MSRA: variants seen among roughly 807,000 people sequenced by gnomAD.
The protein encoded by MSRA is methionine sulfoxide reductase A.
A neutral mutation model predicts 31.3 loss-of-function variants in MSRA; 54 were observed. That is an observed-to-expected ratio of 1.73 (90% CI 1.39 to 2.17). The LOEUF (loss-of-function observed/expected upper bound fraction) is 2.17, where lower values mean the gene tolerates loss of function less well. Among genes scored for constraint, MSRA ranks in the 30% most tolerant of loss-of-function variants. The pLI, the probability that MSRA is intolerant of heterozygous loss-of-function variation, is 0.00. For missense variants in MSRA, 507 were observed against 300.9 expected (o/e 1.69, Z -5.07); for synonymous variants, 169 against 116.5 (o/e 1.45, Z -2.90).
chr8:10,371,090 G>T (rs867175870), intron 5 of MSRA, among the ~76,000 whole-genome samples: 1 of 152,164 alleles, frequency 6.6e-6, no homozygotes, highest in African/African-American at 2.4e-5. Flanking sequence ...CACCCCTGCC[G>T]CAATCCCGAT....
At chr8:10,392,801 C>T (rs1265060309) in intron 5 of MSRA, among the ~76,000 whole-genome samples, 14 of 145,868 alleles carry the variant, frequency 9.6e-5, no homozygotes. Context: ...AATCCCAGCA[C>T]TTTGGGAGGC....
intron 3 of MSRA, among the ~76,000 whole-genome samples, chr8:10,253,230 T>C (rs1798009763): frequency 6.6e-6 from 1 of 152,198 alleles, no homozygotes; most frequent in African/African-American, 2.4e-5. Flanking sequence ...GGGTCTGTTC[T>C]TTGTCATTGA....
At chr8:10,393,557 A>G (rs975329685) in intron 5 of MSRA, among the ~76,000 whole-genome samples, 1 of 152,188 alleles carries the variant, frequency 6.6e-6, no homozygotes, top group African/African-American at 2.4e-5. Context: ...CAGGTATTGC[A>G]GCTGGACGGC....
chr8:10,242,931 C>T (rs1430392426), intron 2 of MSRA, among the ~76,000 whole-genome samples: 1 of 152,168 alleles, frequency 6.6e-6, no homozygotes, highest in Non-Finnish European at 1.5e-5. Context: ...CACCCCAGAC[C>T]CTTGCCCACC....
chr8:10,275,670 T>C (rs552115657), intron 3 of MSRA, among the ~76,000 whole-genome samples: 3 of 152,262 alleles, frequency 2.0e-5, no homozygotes, highest in Non-Finnish European at 2.9e-5. Flanking sequence ...CATCTCCCAA[T>C]GGATTAGGAA....
chr8:10,182,054 A>G (rs776385448), intron 1 of MSRA, among the ~76,000 whole-genome samples: 22 of 152,126 alleles, frequency 1.4e-4, no homozygotes, highest in Non-Finnish European at 1.5e-4. Flanking sequence ...CCCCATCTAC[A>G]GCTCCTATCT....
intron 4 of MSRA, among the ~76,000 whole-genome samples, chr8:10,303,197 T>C (rs1268463028): frequency 6.6e-6 from 1 of 152,252 alleles, no homozygotes; most frequent in East Asian, 1.9e-4. Context: ...TGTCCTTTAA[T>C]GTGGCCAACT....
At chr8:10,260,716 C>T (rs750110016) in intron 3 of MSRA, among the ~76,000 whole-genome samples, 1 of 151,958 alleles carries the variant, frequency 6.6e-6, no homozygotes, top group Non-Finnish European at 1.5e-5. Context: ...AAAAAGCAAA[C>T]GAGATTAATA....
At chr8:10,283,009 G>C (rs887234678) in intron 3 of MSRA, among the ~76,000 whole-genome samples, 1 of 152,038 alleles carries the variant, frequency 6.6e-6, no homozygotes, top group East Asian at 1.9e-4. Context: ...GAAGATTAAA[G>C]AGATGAAAAT....
At chr8:10,079,207 G>A (rs913211362) in intron 1 of MSRA, among the ~76,000 whole-genome samples, 1 of 152,104 alleles carries the variant, frequency 6.6e-6, no homozygotes, top group African/African-American at 2.4e-5. Context: ...GGGCCAGGCT[G>A]GAGTGCAGTG....
chr8:10,162,643 C>G (rs1192678220), intron 1 of MSRA, among the ~76,000 whole-genome samples: 1 of 152,168 alleles, frequency 6.6e-6, no homozygotes, highest in Non-Finnish European at 1.5e-5. Flanking sequence ...TACTATTTTA[C>G]TATACCATCT....
At chr8:10,090,030 C>T (rs1404766856) in intron 1 of MSRA, among the ~76,000 whole-genome samples, 1 of 152,150 alleles carries the variant, frequency 6.6e-6, no homozygotes. Context: ...CAAACCACAG[C>T]AGCATGAAAG....
In MSRA at chr8:10,079,478, C is replaced by G. The variant is rs189437331; in HGVS notation, c.142+24820C>G. Among the ~76,000 whole-genome samples the G allele has an allele frequency of 1.6e-3, 240 of 152,262 alleles. 2 individuals are homozygous for G. Among genetic ancestry groups the G allele is most frequent in the Middle Eastern group, 6.8e-3 (2 of 294 alleles). ...CCATGTTTGTTCTAGAAAAATAAAG[C>G]TCATTAATTACAGGAACATCGCAGC... On this transcript the variant is annotated intron_variant, in intron 1 of 5. Coordinates refer to ENST00000317173, the MANE Select transcript of MSRA (RefSeq NM_012331.5).
chr8:10,058,994 T>C (rs182433256), intron 1 of MSRA: 36 of 152,316 alleles, frequency 2.4e-4, no homozygotes, highest in African/African-American at 8.4e-4. Flanking sequence ...TTATTTTACA[T>C]TGTAGGTACA....
chr8:10,242,433 A>G (rs1308168349), intron 2 of MSRA, among the ~76,000 whole-genome samples: 1 of 152,094 alleles, frequency 6.6e-6, no homozygotes, highest in Non-Finnish European at 1.5e-5. Context: ...TTCTGTTGGG[A>G]TTGGAGTGTA....
At chr8:10,312,957 A>G (rs1450923469) in intron 4 of MSRA, among the ~76,000 whole-genome samples, 1 of 152,268 alleles carries the variant, frequency 6.6e-6, no homozygotes, top group Non-Finnish European at 1.5e-5. Flanking sequence ...TTGAGAAACT[A>G]CAGAGAATGC....
rs763899822 is a variant in MSRA at position 10,207,887 on chromosome 8, A to G, written c.197A>G (p.Gln66Arg). Residue 66 changes from glutamine (Q) to arginine (R), a missense_variant, in exon 2 of 6, where the codon CAG becomes CGG. Physicochemically the swap from Gln to Arg is conservative, Grantham distance 43. Coordinates refer to ENST00000317173, the MANE Select transcript of MSRA (RefSeq NM_012331.5). The part of the protein sequence containing the change: ...RTVEPFPEGT[Q>R]MAVFGMGCFW... ...GTCGAACCTTTCCCAGAGGGAACAC[A>G]GATGGCTGTATTTGGTAAGATATCA... The G allele has an allele frequency of 1.2e-6, 2 of 1,612,582 alleles. No homozygotes were observed. The highest frequency in any genetic ancestry group is 4.5e-5 in the East Asian group (2 of 44,856).
At chr8:10,119,491 G>T (rs1286651977) in intron 1 of MSRA, among the ~76,000 whole-genome samples, 1 of 152,218 alleles carries the variant, frequency 6.6e-6, no homozygotes, top group Non-Finnish European at 1.5e-5. Flanking sequence ...AGTGATTCTA[G>T]CACAGAAAAG....
At chr8:10,334,111 C>A (rs577331803) in intron 5 of MSRA, among the ~76,000 whole-genome samples, 2 of 151,610 alleles carry the variant, frequency 1.3e-5, no homozygotes, top group Non-Finnish European at 3.0e-5. Flanking sequence ...CGCCTACTGC[C>A]TGCTTTCCTG....
Sources: gnomAD v4.1 joint callset for allele counts (sites outside exome capture counted in the v4.1 genomes callset) on GRCh38, gnomAD v4.1.1 for gene constraint, MANE v1.5 for transcripts, NCBI Gene and HGNC (gene_info 2026-07-23, HGNC 2026-07-21) for gene names.